Variants in RUFY2 observed in about 807,000 individuals in gnomAD.
RUFY2 encodes the protein RUN and FYVE domain-containing protein 2.
A neutral mutation model predicts 94.4 loss-of-function variants in RUFY2; 49 were observed. The observed-to-expected ratio is 0.52, with a 90% CI of 0.41 to 0.66. The LOEUF is 0.66. Ranked by LOEUF, RUFY2 falls within the 30% of genes least tolerant of loss-of-function variation. The probability of loss-of-function intolerance (pLI) is 0.00; values close to 1 mark genes in which losing one functional copy is unlikely to be tolerated. For missense variants in RUFY2, 541 were observed against 692.8 expected (o/e 0.78, Z 2.46); for synonymous variants, 255 against 235.7 (o/e 1.08, Z -0.75).
At chr10:68,383,038 A>G (rs1235138370) in intron 10 of RUFY2, among the ~76,000 whole-genome samples, 1 of 152,200 alleles carries the variant, frequency 6.6e-6, no homozygotes, top group Non-Finnish European at 1.5e-5. Flanking sequence ...AAAAACACTG[A>G]TACAGGTCAG....
chr10:68,350,963 G>A (rs1259575777), intron 16 of RUFY2, among the ~76,000 whole-genome samples: 3 of 151,760 alleles, frequency 2.0e-5, no homozygotes, highest in South Asian at 4.2e-4. Context: ...TGCCCACCTC[G>A]GCCTCCTAAA....
chr10:68,342,126 C>T (rs935412223), downstream of RUFY2: 2 of 1,086,218 alleles, frequency 1.8e-6, no homozygotes, highest in African/African-American at 1.6e-5. Flanking sequence ...GATTTAATTT[C>T]TTTTGTATTT....
At chr10:68,350,161 C>G (rs972849323) in intron 16 of RUFY2, among the ~76,000 whole-genome samples, 7 of 152,068 alleles carry the variant, frequency 4.6e-5, no homozygotes, top group Non-Finnish European at 8.8e-5. Flanking sequence ...AGGCGCACAC[C>G]ACCATGCCTG....
At chr10:68,379,317 G>T in intron 12 of RUFY2, 107 bp downstream of exon 12, 1 of 834,692 alleles carries the variant, frequency 1.2e-6, no homozygotes, top group Non-Finnish European at 1.8e-6. Flanking sequence ...CAAAAAACAT[G>T]TCCTAATCTA....
chr10:68,361,965 C>G (rs1048217676), intron 15 of RUFY2, among the ~76,000 whole-genome samples: 1 of 152,086 alleles, frequency 6.6e-6, no homozygotes, highest in African/African-American at 2.4e-5. Flanking sequence ...CATAAAACAT[C>G]AAAGAGATTT....
intron 7 of RUFY2, among the ~76,000 whole-genome samples, chr10:68,387,823 T>C (rs745633933): frequency 6.6e-6 from 1 of 151,922 alleles, no homozygotes; most frequent in African/African-American, 2.4e-5. Flanking sequence ...GCCAACATGG[T>C]GAAACCCCGT....
downstream of RUFY2, chr10:68,341,549 C>T (rs1263610636): frequency 4.3e-6 from 6 of 1,387,094 alleles, no homozygotes; most frequent in African/African-American, 7.2e-5. Context: ...TCCATCATTC[C>T]TTTCTCCCCT....
In RUFY2 at chr10:68,384,031, T is replaced by C; in HGVS notation, c.822+20A>G. 1 of 1,602,020 alleles carries C rather than the reference T, an allele frequency of 6.2e-7. No individual in the cohort carries two copies. ...AATTTCTGACACGAGATTGTCTGCT[T>C]GAAAGCAGTCTATACTTACCTCTAG... On this transcript the variant is annotated intron_variant, in intron 9 of 17. Coordinates refer to ENST00000602465, the MANE Select transcript of RUFY2 (RefSeq NM_001330103.2).
At chr10:68,387,664 A>C (rs2049610762) in intron 7 of RUFY2, among the ~76,000 whole-genome samples, 2 of 152,098 alleles carry the variant, frequency 1.3e-5, no homozygotes, top group African/African-American at 4.8e-5. Flanking sequence ...TAGGAGACGT[A>C]AGACCAAGAG....
chr10:68,361,732 C>T (rs547764381), intron 15 of RUFY2, among the ~76,000 whole-genome samples: 3 of 152,310 alleles, frequency 2.0e-5, no homozygotes, highest in African/African-American at 7.2e-5. Flanking sequence ...TTAATGGAAT[C>T]CCACCTTTAG....
In RUFY2 at chr10:68,401,604, T is replaced by C. The variant is rs576944828; in HGVS notation, c.296+16A>G. ...ACTTCTGTGGCTAGGGATGAACAAG[T>C]AATAGGCCTCCTTACTTCAGACCAG... is the stretch of plus-strand genomic sequence containing the variant. On this transcript the variant is annotated intron_variant, in intron 3 of 17. Transcript: ENST00000602465. 1.3e-6 allele frequency: 2 copies of C among 1,493,862 alleles called. No individual in the cohort carries two copies. The highest frequency in any genetic ancestry group is 2.3e-5 in the East Asian group (1 of 44,242). 92.5% of individuals were successfully genotyped at this position (1,493,862 alleles called of 1,614,324 possible).
At chr10:68,391,058 C>A (rs2049944180) in intron 7 of RUFY2, among the ~76,000 whole-genome samples, 2 of 151,838 alleles carry the variant, frequency 1.3e-5, no homozygotes, top group Non-Finnish European at 2.9e-5. Flanking sequence ...CCTCAGCCTC[C>A]CGAGTAGCTG....
At chr10:68,362,934 T>C (rs1416968163) in intron 15 of RUFY2, among the ~76,000 whole-genome samples, 1 of 152,240 alleles carries the variant, frequency 6.6e-6, no homozygotes, top group African/African-American at 2.4e-5. Flanking sequence ...CTTCTCGTGA[T>C]GCTGGCTTCT....
intron 16 of RUFY2, among the ~76,000 whole-genome samples, chr10:68,349,831 C>T (rs960346880): frequency 1.3e-5 from 2 of 151,904 alleles, no homozygotes; most frequent in Non-Finnish European, 2.9e-5. Flanking sequence ...AGCCACCGCG[C>T]CCGGCCAGAA....
chr10:68,404,444 T>G (rs2051113815), intron 2 of RUFY2, among the ~76,000 whole-genome samples: 1 of 152,170 alleles, frequency 6.6e-6, no homozygotes, highest in Admixed American at 6.5e-5. Flanking sequence ...AATTAAAAAA[T>G]CAAATATTCT....
At chr10:68,392,206 T>A (rs79551106) in intron 7 of RUFY2, among the ~76,000 whole-genome samples, 39,910 of 151,486 alleles carry the variant, frequency 0.26, 7,106 homozygotes, top group African/African-American at 0.51. Flanking sequence ...TAATTTTTGT[T>A]TTTTTTAGTA....
chr10:68,341,797 A>G (rs1488355507), downstream of RUFY2: 9 of 1,610,182 alleles, frequency 5.6e-6, no homozygotes, highest in South Asian at 2.2e-5. Flanking sequence ...AAGAATGGGA[A>G]TGGGGAACAA....
downstream of RUFY2, chr10:68,342,727 A>C (rs1361111710): frequency 1.3e-5 from 2 of 152,602 alleles, no homozygotes; most frequent in Non-Finnish European, 2.9e-5. Context: ...CACTTGACCG[A>C]AATACCAAAA....
intron 14 of RUFY2, 46 bp downstream of exon 14, chr10:68,363,938 T>A: frequency 1.4e-6 from 2 of 1,398,564 alleles, no homozygotes; most frequent in Admixed American, 1.9e-5. Context: ...TTTAAATAAG[T>A]TAACATTTGT....
Sources: gnomAD v4.1 joint callset for allele counts (sites outside exome capture counted in the v4.1 genomes callset) on GRCh38, gnomAD v4.1.1 for gene constraint, MANE v1.5 for transcripts, NCBI Gene and HGNC (gene_info 2026-07-23, HGNC 2026-07-21) for gene names.